Variants in RIMBP2 observed in about 807,000 individuals in gnomAD.
RIMBP2 encodes the protein RIMS binding protein 2.
RIMBP2 carries 48 observed loss-of-function variants against 118.6 expected under a neutral mutation model. The observed-to-expected ratio is 0.40, with a 90% CI of 0.32 to 0.51. The LOEUF (loss-of-function observed/expected upper bound fraction) is 0.51. Among genes scored for constraint, RIMBP2 ranks in the 20% least tolerant of loss-of-function variants. RIMBP2 has a pLI of 0.41. For missense variants in RIMBP2, 1,551 were observed against 1,768.3 expected (o/e 0.88, Z 2.20); for synonymous variants, 762 against 742.9 (o/e 1.03, Z -0.42).
At chr12:130,604,351 A>T (rs1028632830) in intron 2 of RIMBP2, among the ~76,000 whole-genome samples, 11 of 150,682 alleles carry the variant, frequency 7.3e-5, no homozygotes, top group African/African-American at 2.7e-4. Context: ...AAGAAATAAA[A>T]ACAATTTTTG....
At chr12:130,512,755 C>A (rs1340810138) in intron 3 of RIMBP2, among the ~76,000 whole-genome samples, 3 of 152,332 alleles carry the variant, frequency 2.0e-5, no homozygotes, top group East Asian at 3.9e-4. Context: ...CTAAGACACA[C>A]AACCAAAGAA....
intron 2 of RIMBP2, among the ~76,000 whole-genome samples, chr12:130,526,860 C>T (rs1317960253): frequency 6.6e-6 from 1 of 152,042 alleles, no homozygotes. Flanking sequence ...TCTGAAAAGG[C>T]TTCATAAGTG....
intron 4 of RIMBP2, among the ~76,000 whole-genome samples, chr12:130,483,429 G>T (rs946861982): frequency 1.3e-5 from 2 of 152,162 alleles, no homozygotes; most frequent in African/African-American, 4.8e-5. Context: ...TAAAAGGGGA[G>T]AAACAGAAAA....
In RIMBP2 at chr12:130,441,891, C is replaced by G; in HGVS notation, c.1461G>C (p.Arg487Ser). ...QMPWQLPLEQ[R>S]EKKEAFVEFS... The stretch of plus-strand genomic sequence containing the variant: ...ACTCCACAAAGGCCTCCTTCTTCTC[C>G]CTTTGCTCCAGCGGGAGCTGCCACG... Residue 487 changes from arginine (R) to serine (S), a missense_variant, in exon 11 of 23, where the codon AGG becomes AGC. By Grantham distance (110) the Arg-to-Ser change is moderately radical. Coordinates refer to ENST00000690449, the MANE Select transcript of RIMBP2 (RefSeq NM_001393629.1). 1 of 1,613,876 alleles carries G rather than the reference C, an allele frequency of 6.2e-7. No individual in the cohort carries two copies. The highest frequency in any genetic ancestry group is 1.1e-5 in the South Asian group (1 of 91,082).
In RIMBP2 at chr12:130,622,270, G is replaced by A. The variant is rs747483181; in HGVS notation, c.-217+6052C>T. ...CCACAAGGCTGCATAGGAGGTTCCGGGGAACAGAGTCCCCAAACATCACAA... is the reference window on the plus strand; with the variant it reads ...CCACAAGGCTGCATAGGAGGTTCCGAGGAACAGAGTCCCCAAACATCACAA... On this transcript the variant is annotated intron_variant, in intron 2 of 22. Coordinates refer to ENST00000690449, the MANE Select transcript of RIMBP2 (RefSeq NM_001393629.1). The surrounding 1 kb of genome is among the most constrained non-coding windows in gnomAD (Gnocchi z 8.5). Among the ~76,000 whole-genome samples the A allele has an allele frequency of 6.6e-6, 1 of 152,082 alleles. No homozygotes were observed. The highest frequency in any genetic ancestry group is 1.5e-5 in the Non-Finnish European group (1 of 68,018).
chr12:130,642,346 G>A (rs1019575329), intron 1 of RIMBP2, among the ~76,000 whole-genome samples: 5 of 152,066 alleles, frequency 3.3e-5, no homozygotes, highest in South Asian at 2.1e-4. Context: ...GTGCAATGGC[G>A]CGATCTCAGC....
chr12:130,549,878 A>C (rs930810701), intron 2 of RIMBP2, among the ~76,000 whole-genome samples: 1 of 152,078 alleles, frequency 6.6e-6, no homozygotes, highest in Non-Finnish European at 1.5e-5. Context: ...ATATCCAGTA[A>C]TGGGATTGCT....
At position 130,441,966 on chromosome 12, in the gene RIMBP2, C is replaced by T. The variant is rs541405028; in HGVS notation, c.1386G>A (p.Arg462=). 8.1e-6 allele frequency: 13 copies of T among 1,614,128 alleles called. No individual in the cohort carries two copies. The highest frequency in any genetic ancestry group is 1.1e-5 in the South Asian group (1 of 91,088). The change falls in exon 11 of 23, where the codon AGG becomes AGA. Residue 462 remains arginine, a synonymous_variant. Coordinates refer to ENST00000690449, the MANE Select transcript of RIMBP2 (RefSeq NM_001393629.1). ...CCTTCACCTTATAGGCCATGTTGGGCCTGAGATTGAAGAACTGGTACTTGT... is the reference window on the plus strand; with the variant it reads ...CCTTCACCTTATAGGCCATGTTGGGTCTGAGATTGAAGAACTGGTACTTGT... The part of the protein sequence containing the change: ...ARYKYQFFNL[R]PNMAYKVKVL...
At chr12:130,604,582 C>CTGTTTTTTTT (rs1555305685) in intron 2 of RIMBP2, among the ~76,000 whole-genome samples, 15 of 67,280 alleles carry the variant, frequency 2.2e-4, no homozygotes, top group African/African-American at 9.0e-4. Flanking sequence ...TGCCCCTTTT[C>CTGTTTTTTTT]TTTCTTTTTT....
chr12:130,474,144 G>GT (rs1434157224), intron 5 of RIMBP2, among the ~76,000 whole-genome samples: 1 of 152,198 alleles, frequency 6.6e-6, no homozygotes, highest in Non-Finnish European at 1.5e-5. Flanking sequence ...CACCTGGAGA[G>GT]GAAGCCTCAG....
rs1266030748 is a variant in RIMBP2 at position 130,576,310 on chromosome 12, G to A, written c.-217+52012C>T. ...CGGAGAGTTTCATGACCATAGACAT[G>A]GGCATTTGCTTCCAAGAGCAATGGC... is the stretch of plus-strand genomic sequence containing the variant. On this transcript the variant is annotated intron_variant, in intron 2 of 22. Transcript: ENST00000690449. This position sits in a 1 kb window ranked among gnomAD's most constrained non-coding sequence, Gnocchi z 4.2. Among the ~76,000 whole-genome samples the A allele has an allele frequency of 6.6e-6, 1 of 152,100 alleles. No individual in the cohort carries two copies. Among genetic ancestry groups the A allele is most frequent in the African/African-American group, 2.4e-5 (1 of 41,402 alleles).
At chr12:130,588,685 AT>A (rs2059072477) in intron 2 of RIMBP2, among the ~76,000 whole-genome samples, 1 of 152,270 alleles carries the variant, frequency 6.6e-6, no homozygotes, top group African/African-American at 2.4e-5. Context: ...TTCGGAAAGC[AT>A]TTGAGGACAT....
chr12:130,674,980 G>A (rs1459322166), intron 1 of RIMBP2, among the ~76,000 whole-genome samples: 1 of 152,198 alleles, frequency 6.6e-6, no homozygotes, highest in East Asian at 1.9e-4. Flanking sequence ...TCGTGTGGAT[G>A]GAACACATTC....
At chr12:130,696,692 A>G (rs1294143046) in intron 1 of RIMBP2, among the ~76,000 whole-genome samples, 2 of 152,232 alleles carry the variant, frequency 1.3e-5, no homozygotes, top group African/African-American at 4.8e-5. Context: ...CTAACACCAA[A>G]CTGAGACTTT....
intron 1 of RIMBP2, among the ~76,000 whole-genome samples, chr12:130,712,190 T>C (rs950021864): frequency 1.3e-5 from 2 of 152,236 alleles, no homozygotes; most frequent in African/African-American, 4.8e-5. Context: ...GCTGCACGTT[T>C]AGACTACGCT....
intron 5 of RIMBP2, among the ~76,000 whole-genome samples, chr12:130,477,053 A>G (rs924002332): frequency 3.9e-5 from 6 of 152,182 alleles, no homozygotes; most frequent in Admixed American, 3.3e-4. Flanking sequence ...AAGCCTCTAG[A>G]AATTACAAAA....
chr12:130,614,674 C>A (rs1426246383), intron 2 of RIMBP2, among the ~76,000 whole-genome samples: 1 of 152,102 alleles, frequency 6.6e-6, no homozygotes, highest in Non-Finnish European at 1.5e-5. Context: ...AAGGGGAAAT[C>A]TTGCAGGTCT....
Position 130,412,683 on chromosome 12 carries a change from C to T in RIMBP2, c.3525G>A (p.Glu1175=). ...GTCTAAGAAGCTGATCCATCATCTC[C>T]TCATCATCTGCTTGTATCTCAGAGA... ...NMVSEIQADD[E]EMMDQLLRQG... is the part of the protein sequence containing the mutation. The change falls in exon 19 of 23, where the codon GAG becomes GAA. Residue 1175 remains glutamate (E), a synonymous_variant. Coordinates refer to ENST00000690449, the MANE Select transcript of RIMBP2 (RefSeq NM_001393629.1). 6.2e-7 allele frequency: 1 copy of T among 1,613,882 alleles called. No homozygotes were observed.
At chr12:130,515,619 A>C (rs1276907906) in intron 3 of RIMBP2, among the ~76,000 whole-genome samples, 1 of 152,198 alleles carries the variant, frequency 6.6e-6, no homozygotes, top group Non-Finnish European at 1.5e-5. Flanking sequence ...CTCGTCCATC[A>C]GTGGAAATGT....
Sources: allele counts gnomAD v4.1 joint callset (sites outside exome capture counted in the v4.1 genomes callset), GRCh38; gene constraint gnomAD v4.1.1; non-coding constraint Gnocchi (gnomAD v3.1); transcripts MANE v1.5; gene names NCBI Gene and HGNC (gene_info 2026-07-23, HGNC 2026-07-21).